The following UBE2E2 variants were observed in gnomAD, a reference collection of about 807,000 sequenced individuals.
UBE2E2 encodes the protein ubiquitin conjugating enzyme E2 E2.
Under a neutral mutation model 24.7 loss-of-function variants are expected in UBE2E2, and 6 were observed. The observed-to-expected ratio is 0.24, with a 90% confidence interval of 0.13 to 0.48. The LOEUF is 0.48. UBE2E2 is among the 20% of genes least tolerant of loss of function. The probability of loss-of-function intolerance (pLI) is 0.99; values close to 1 mark genes in which losing one functional copy is unlikely to be tolerated. For missense variants in UBE2E2, 169 were observed against 245.0 expected (o/e 0.69, Z 2.07); for synonymous variants, 104 against 83.6 (o/e 1.24, Z -1.33).
At chr3:23,580,973 G>A (rs1418840433) in intron 5 of UBE2E2, among the ~76,000 whole-genome samples, 9 of 152,022 alleles carry the variant, frequency 5.9e-5, no homozygotes, top group South Asian at 2.1e-4. Flanking sequence ...CCTATCTAAC[G>A]TCAGATCTGA....
chr3:23,211,130 G>C (rs1024937473), intron 2 of UBE2E2, among the ~76,000 whole-genome samples: 3 of 152,186 alleles, frequency 2.0e-5, no homozygotes, highest in South Asian at 2.1e-4. Context: ...TTATTTACTG[G>C]CTGCCTTGGA....
intron 3 of UBE2E2, among the ~76,000 whole-genome samples, chr3:23,282,884 G>A (rs1698521169): frequency 6.6e-6 from 1 of 151,982 alleles, no homozygotes; most frequent in Admixed American, 6.6e-5. Flanking sequence ...AAAAGGCTTA[G>A]GTCAGGGTGA....
At chr3:23,350,848 A>G (rs1297792069) in intron 3 of UBE2E2, among the ~76,000 whole-genome samples, 1 of 152,242 alleles carries the variant, frequency 6.6e-6, no homozygotes, top group Non-Finnish European at 1.5e-5. Context: ...CCAATCTAGC[A>G]AGGCAGACCA....
chr3:23,214,870 T>C (rs144411352), intron 2 of UBE2E2, among the ~76,000 whole-genome samples: 1 of 152,094 alleles, frequency 6.6e-6, no homozygotes, highest in South Asian at 2.1e-4. Context: ...GCAGACTGTT[T>C]AGCTGTCTTT....
intron 3 of UBE2E2, among the ~76,000 whole-genome samples, chr3:23,417,025 T>C (rs1697655010): frequency 6.6e-6 from 1 of 152,226 alleles, no homozygotes; most frequent in Non-Finnish European, 1.5e-5. Flanking sequence ...GAATTTGTTT[T>C]ACCCACCTTC....
At chr3:23,469,026 G>C (rs1698979191) in intron 3 of UBE2E2, among the ~76,000 whole-genome samples, 1 of 152,128 alleles carries the variant, frequency 6.6e-6, no homozygotes, top group African/African-American at 2.4e-5. Flanking sequence ...TTTTGGGCAG[G>C]TATAACAAAG....
intron 4 of UBE2E2, among the ~76,000 whole-genome samples, chr3:23,500,499 C>T (rs951363703): frequency 5.9e-5 from 9 of 152,192 alleles, no homozygotes; most frequent in African/African-American, 9.7e-5. Context: ...TCTCCATTAG[C>T]ATTTGTTCTC....
At chr3:23,225,566 T>G (rs1241730794) in intron 3 of UBE2E2, among the ~76,000 whole-genome samples, 2 of 152,220 alleles carry the variant, frequency 1.3e-5, no homozygotes, top group African/African-American at 4.8e-5. Context: ...TTTTTTACAC[T>G]GAATTGTCTT....
chr3:23,326,830 C>T (rs575912429), intron 3 of UBE2E2, among the ~76,000 whole-genome samples: 16 of 152,320 alleles, frequency 1.1e-4, no homozygotes, highest in Admixed American at 5.2e-4. Context: ...CCACTCCCCC[C>T]ACCCCACCAC....
chr3:23,435,425 T>G (rs534458244), intron 3 of UBE2E2, among the ~76,000 whole-genome samples: 3 of 152,332 alleles, frequency 2.0e-5, no homozygotes, highest in Admixed American at 2.0e-4. Flanking sequence ...GTGGTGGTTT[T>G]GGTCACTTCC....
intron 3 of UBE2E2, among the ~76,000 whole-genome samples, chr3:23,409,766 A>G (rs1031778212): frequency 6.6e-6 from 1 of 152,098 alleles, no homozygotes; most frequent in Non-Finnish European, 1.5e-5. Context: ...TCCCTCAGAA[A>G]GCTCTGTGGA....
chr3:23,497,590 G>A (rs924865635), intron 3 of UBE2E2, among the ~76,000 whole-genome samples: 19 of 152,164 alleles, frequency 1.2e-4, no homozygotes, highest in African/African-American at 4.6e-4. Context: ...TGTATGGTTT[G>A]TGGGTATAAT....
chr3:23,584,745 T>G (rs1456018173), intron 5 of UBE2E2, among the ~76,000 whole-genome samples: 1 of 147,702 alleles, frequency 6.8e-6, no homozygotes, highest in Non-Finnish European at 1.5e-5. Context: ...TTTTTTTTTT[T>G]TTTTTTGTAG....
chr3:23,268,166 C>T (rs13073294), intron 3 of UBE2E2, among the ~76,000 whole-genome samples: 10,858 of 149,674 alleles, frequency 0.073, 523 homozygotes, highest in Non-Finnish European at 0.091. Flanking sequence ...TTCCCTCTCT[C>T]ACCACTCCTA....
chr3:23,208,684 TA>T lies in UBE2E2; in HGVS notation c.-8-6del, dbSNP rs1696222459. On this transcript the variant is annotated splice_region_variant and splice_polypyrimidine_tract_variant and intron_variant, in intron 1 of 5. Transcript: ENST00000396703. Reference sequence around the variant, plus strand: ...GCTAAATAAATGATTTTTGATTCTTTAATCCAGGATCTAAAATGTCCACTGA... The same window carrying T: ...GCTAAATAAATGATTTTTGATTCTTTATCCAGGATCTAAAATGTCCACTGA... 6.3e-7 allele frequency: 1 copy of T among 1,590,690 alleles called. No individual in the cohort carries two copies. Among genetic ancestry groups the T allele is most frequent in the African/African-American group, 1.4e-5 (1 of 73,854 alleles).
chr3:23,400,762 A>G (rs1336652127), intron 3 of UBE2E2, among the ~76,000 whole-genome samples: 1 of 152,104 alleles, frequency 6.6e-6, no homozygotes, highest in Non-Finnish European at 1.5e-5. Context: ...ACTTTTTAAT[A>G]GGCCAGACTT....
chr3:23,275,865 C>T lies in UBE2E2; in HGVS notation c.227+58553C>T, dbSNP rs114596715. ...TGTATTTGAAATAGAATATATGTTG[C>T]CCAGCAGATCCCGATTCATTAAAAA... On this transcript the variant is annotated intron_variant, in intron 3 of 5. Coordinates refer to ENST00000396703, the MANE Select transcript of UBE2E2 (RefSeq NM_152653.4). Among the ~76,000 whole-genome samples, 1,177 of 151,944 alleles carry T rather than the reference C, an allele frequency of 7.7e-3. 7 individuals are homozygous for T. The highest frequency in any genetic ancestry group is 0.014 in the Non-Finnish European group (934 of 67,944).
At chr3:23,391,601 AATTAC>A (rs1272452575) in intron 3 of UBE2E2, among the ~76,000 whole-genome samples, 1 of 152,204 alleles carries the variant, frequency 6.6e-6, no homozygotes, top group East Asian at 1.9e-4. Flanking sequence ...TTAATAAATA[AATTAC>A]ATTCAGGTAT....
intron 3 of UBE2E2, among the ~76,000 whole-genome samples, chr3:23,313,270 C>T (rs1465688967): frequency 6.6e-6 from 1 of 151,962 alleles, no homozygotes; most frequent in African/African-American, 2.4e-5. Flanking sequence ...TATAGCTACT[C>T]CTGCTGTTTT....
Sources: allele counts gnomAD v4.1 joint callset (sites outside exome capture counted in the v4.1 genomes callset), GRCh38; gene constraint gnomAD v4.1.1; transcripts MANE v1.5; gene names NCBI Gene and HGNC (gene_info 2026-07-23, HGNC 2026-07-21).